PDE7B: variants seen among roughly 807,000 people sequenced by gnomAD.
PDE7B encodes the protein 3',5'-cyclic-AMP phosphodiesterase 7B.
Under a neutral mutation model 56.2 loss-of-function variants are expected in PDE7B, and 29 were observed. The ratio of observed to expected loss-of-function variants is 0.52; its 90% confidence interval spans 0.38 to 0.70. The LOEUF (loss-of-function observed/expected upper bound fraction) is 0.70, where lower values mean the gene tolerates loss of function less well. Ranked by LOEUF, PDE7B falls within the 30% of genes least tolerant of loss-of-function variation. PDE7B has a pLI of 0.00. For synonymous variants in PDE7B, 197 were observed against 196.9 expected (o/e 1.00, Z 0.00); for missense variants, 490 against 565.0 (o/e 0.87, Z 1.35).
intron 2 of PDE7B, among the ~76,000 whole-genome samples, chr6:136,096,565 A>G (rs895378870): frequency 1.4e-5 from 2 of 144,124 alleles, no homozygotes; most frequent in Non-Finnish European, 3.0e-5. Context: ...TAGACAGGTT[A>G]TCACTGTATT....
At chr6:135,874,442 ATTT>A (rs1775452300) in intron 1 of PDE7B, among the ~76,000 whole-genome samples, 2 of 152,160 alleles carry the variant, frequency 1.3e-5, no homozygotes, top group African/African-American at 4.8e-5. Context: ...ACTGTGGTCC[ATTT>A]CTAAATATTT....
intron 2 of PDE7B, among the ~76,000 whole-genome samples, chr6:136,051,444 G>A (rs1310520127): frequency 6.6e-6 from 1 of 152,184 alleles, no homozygotes; most frequent in African/African-American, 2.4e-5. Flanking sequence ...TTGAACTCTC[G>A]CATTGTTTAG....
intron 2 of PDE7B, among the ~76,000 whole-genome samples, chr6:136,104,279 C>G (rs548624873): frequency 3.3e-5 from 5 of 152,286 alleles, no homozygotes; most frequent in Non-Finnish European, 7.4e-5. Context: ...AGGCTGTCAA[C>G]GCTTCCTACC....
chr6:135,857,975 T>A (rs1397405381), intron 1 of PDE7B, among the ~76,000 whole-genome samples: 1 of 152,152 alleles, frequency 6.6e-6, no homozygotes, highest in East Asian at 1.9e-4. Context: ...ACTTTTCTTG[T>A]ATATACTTTA....
At chr6:136,133,258 C>G (rs1778149678) in intron 3 of PDE7B, among the ~76,000 whole-genome samples, 3 of 149,428 alleles carry the variant, frequency 2.0e-5, no homozygotes, top group Admixed American at 2.0e-4. Context: ...AATAATAAAA[C>G]AAGAAGGGGC....
At chr6:136,024,102 G>A (rs1489440611) in intron 2 of PDE7B, among the ~76,000 whole-genome samples, 1 of 152,106 alleles carries the variant, frequency 6.6e-6, no homozygotes, top group Admixed American at 6.6e-5. Context: ...GAATAATTCT[G>A]TTATAATGGG....
chr6:136,070,302 C>A (rs1777025474), intron 2 of PDE7B: 1 of 151,936 alleles, frequency 6.6e-6, no homozygotes, highest in African/African-American at 2.4e-5. Flanking sequence ...AGAGGAAATC[C>A]AATATATTTG....
chr6:136,152,226 T>G (rs752700143), intron 6 of PDE7B, among the ~76,000 whole-genome samples: 4 of 152,086 alleles, frequency 2.6e-5, no homozygotes, highest in Non-Finnish European at 4.4e-5. Context: ...GAACATACCG[T>G]TTTCAAAGAA....
At chr6:136,015,144 C>T (rs1343706454) in intron 2 of PDE7B, among the ~76,000 whole-genome samples, 1 of 152,204 alleles carries the variant, frequency 6.6e-6, no homozygotes, top group Non-Finnish European at 1.5e-5. Context: ...TCACTTGAAG[C>T]TGGTGGGATT....
At chr6:135,890,612 G>A (rs1205643467) in intron 1 of PDE7B, among the ~76,000 whole-genome samples, 2 of 152,158 alleles carry the variant, frequency 1.3e-5, no homozygotes, top group African/African-American at 4.8e-5. Flanking sequence ...CATCTTCCCT[G>A]AGATCATTAT....
chr6:136,146,650 A>G (rs1778416881), intron 3 of PDE7B, among the ~76,000 whole-genome samples: 1 of 152,200 alleles, frequency 6.6e-6, no homozygotes, highest in Non-Finnish European at 1.5e-5. Flanking sequence ...AAAATTCATC[A>G]TACAAGTAAC....
chr6:135,961,396 C>T (rs1250895865), intron 2 of PDE7B, among the ~76,000 whole-genome samples: 5 of 151,734 alleles, frequency 3.3e-5, no homozygotes, highest in Admixed American at 3.3e-4. Flanking sequence ...AAAAGTCCCA[C>T]AAATAATTTA....
intron 1 of PDE7B, among the ~76,000 whole-genome samples, chr6:135,915,568 A>G (rs1056689450): frequency 1.3e-5 from 2 of 152,144 alleles, no homozygotes. Context: ...GGGGGGTATA[A>G]TTCGTATACT....
intron 6 of PDE7B, among the ~76,000 whole-genome samples, chr6:136,153,489 C>A (rs1345402458): frequency 6.6e-6 from 1 of 152,130 alleles, no homozygotes; most frequent in Non-Finnish European, 1.5e-5. Context: ...CATTAGACTG[C>A]AGGAGCATGA....
chr6:136,101,520 C>T (rs980118477), intron 2 of PDE7B, among the ~76,000 whole-genome samples: 3 of 152,168 alleles, frequency 2.0e-5, no homozygotes, highest in Admixed American at 6.5e-5. Context: ...GGAATCTATC[C>T]ATTTCTTCCA....
chr6:136,150,969 T>C (rs1778502563), intron 5 of PDE7B, among the ~76,000 whole-genome samples, 191 bp from the exon 6 acceptor site: 1 of 152,178 alleles, frequency 6.6e-6, no homozygotes, highest in Middle Eastern at 3.2e-3. Flanking sequence ...CTAATTTTAC[T>C]TGTACAATAA....
At chr6:136,022,728 T>C (rs1168033477) in intron 2 of PDE7B, among the ~76,000 whole-genome samples, 2 of 152,190 alleles carry the variant, frequency 1.3e-5, no homozygotes, top group Non-Finnish European at 2.9e-5. Flanking sequence ...ATCAGAAGGC[T>C]GGCCCTGCCC....
At chr6:135,935,196 A>ATATATATATTTTTATATATATATT (rs1554268038) in intron 1 of PDE7B, among the ~76,000 whole-genome samples, 1 of 79,424 alleles carries the variant, frequency 1.3e-5, no homozygotes. Flanking sequence ...TTATTTATAT[A>ATATATATATTTTTATATATATATT]TATATATATA....
At chr6:136,034,206 T>A (rs1776288503) in intron 2 of PDE7B, 1 of 152,202 alleles carries the variant, frequency 6.6e-6, no homozygotes, top group Admixed American at 6.5e-5. Flanking sequence ...TGCCTTATTT[T>A]ACAAATCATG....
Sources: allele counts gnomAD v4.1 joint callset (sites outside exome capture counted in the v4.1 genomes callset), GRCh38; gene constraint gnomAD v4.1.1; transcripts MANE v1.5; gene names NCBI Gene and HGNC (gene_info 2026-07-23, HGNC 2026-07-21).